DDX24: variants seen among roughly 807,000 people sequenced by gnomAD.
DDX24 encodes the protein DEAD-box helicase 24.
DDX24 carries 24 observed loss-of-function variants against 68.9 expected under a neutral mutation model. The ratio of observed to expected loss-of-function variants is 0.35; its 90% CI spans 0.25 to 0.49. The LOEUF is 0.49. Among genes scored for constraint, DDX24 ranks in the 20% least tolerant of loss-of-function variants. DDX24 has a pLI of 0.99. For missense variants in DDX24, 989 were observed against 1,039.0 expected, an observed-to-expected ratio of 0.95 and a Z score of 0.66; for synonymous variants, 395 against 385.2, an observed-to-expected ratio of 1.03 and a Z score of -0.30.
Position 94,062,347 on chromosome 14 carries a change from G to A in DDX24, c.993C>T (p.Leu331=). Residue 331 remains leucine (L), a synonymous_variant, in exon 3 of 9, where the codon CTC becomes CTT. Transcript: ENST00000621632. The part of the protein sequence containing the change: ...TGGTVSDQAL[L]FGDDDAGEGP... The stretch of plus-strand genomic sequence containing the variant: ...CTTCACCAGCATCATCGTCACCAAA[G>A]AGCAACGCCTGGTCTGAGACAGTGC... 6.2e-7 allele frequency: 1 copy of A among 1,614,226 alleles called. No individual in the cohort carries two copies. Among genetic ancestry groups the A allele is most frequent in the South Asian group, 1.1e-5 (1 of 91,080 alleles).
intron 6 of DDX24, chr14:94,056,191 G>C (rs943265222): frequency 6.6e-6 from 1 of 152,208 alleles, no homozygotes; most frequent in Admixed American, 6.5e-5. Flanking sequence ...CTGTGATACA[G>C]TGAAATATGT....
At position 94,079,738 on chromosome 14, in the gene DDX24, T is replaced by C; in HGVS notation, c.5A>G (p.Lys2Arg). 6.2e-7 allele frequency: 1 copy of C among 1,613,348 alleles called. No homozygotes were observed. Among genetic ancestry groups the C allele is most frequent in the Non-Finnish European group, 8.5e-7 (1 of 1,179,638 alleles). ...TGGCCTTGATTTTGTGTCCTTCAAC[T>C]TCATGGTTGCTGAAAAGGAGATACA... M[K>R]LKDTKSRPKQ... Residue 2 changes from lysine (K) to arginine (R), a missense_variant, in exon 2 of 9, where the codon AAG (lysine) becomes AGG (arginine). Transcript: ENST00000621632.
At chr14:94,063,129 A>T (rs144564293) in intron 2 of DDX24, among the ~76,000 whole-genome samples, 212 of 152,368 alleles carry the variant, frequency 1.4e-3, no homozygotes, top group Middle Eastern at 3.4e-3. Context: ...TCAGGCTGAG[A>T]ATTTAAAGAA....
At chr14:94,073,270 A>G (rs2141434558) in intron 2 of DDX24, among the ~76,000 whole-genome samples, 1 of 152,106 alleles carries the variant, frequency 6.6e-6, no homozygotes, top group South Asian at 2.1e-4. Flanking sequence ...TATTTTTAGT[A>G]GAGACAGTTT....
chr14:94,079,823 G>A (rs1886025657), intron 1 of DDX24, 76 bp from the exon 2 acceptor site: 1 of 1,341,474 alleles, frequency 7.5e-7, no homozygotes, highest in South Asian at 1.3e-5. Context: ...TATTTTCTAA[G>A]CAACTAGGCC....
chr14:94,065,941 A>C (rs1407710492), intron 2 of DDX24, among the ~76,000 whole-genome samples: 6 of 152,196 alleles, frequency 3.9e-5, no homozygotes, highest in Non-Finnish European at 5.9e-5. Flanking sequence ...AACTCCACAG[A>C]AAGAAGGCAT....
At chr14:94,077,603 T>C (rs748129151) in intron 2 of DDX24, among the ~76,000 whole-genome samples, 5 of 152,248 alleles carry the variant, frequency 3.3e-5, no homozygotes, top group Admixed American at 6.5e-5. Context: ...AGGGTGGTTG[T>C]GACAACCGAT....
chr14:94,053,280 T>C (rs1885423844), intron 7 of DDX24, 153 bp from the exon 8 acceptor site: 7 of 814,954 alleles, frequency 8.6e-6, no homozygotes, highest in Admixed American at 3.2e-5. Flanking sequence ...CACTGCAGCC[T>C]CAACCTCCTT....
chr14:94,079,936 G>A (rs950261535), intron 1 of DDX24, among the ~76,000 whole-genome samples, 189 bp from the exon 2 acceptor site: 6 of 151,954 alleles, frequency 3.9e-5, no homozygotes, highest in African/African-American at 1.5e-4. Context: ...GGAACACAGG[G>A]TACACATGTG....
chr14:94,053,162 T>TA (rs1885421997), intron 7 of DDX24, 35 bp from the exon 8 acceptor site: 1 of 1,613,376 alleles, frequency 6.2e-7, no homozygotes, highest in Admixed American at 1.7e-5. Flanking sequence ...TCATCTGAAA[T>TA]AGAGTTCAGG....
chr14:94,065,676 T>G (rs1312280088), intron 2 of DDX24, among the ~76,000 whole-genome samples: 1 of 152,080 alleles, frequency 6.6e-6, no homozygotes, highest in Non-Finnish European at 1.5e-5. Flanking sequence ...CCAAATACCG[T>G]GAGTGCCCCA....
Position 94,060,269 on chromosome 14 carries a change from T to C in DDX24, c.1742A>G (p.Tyr581Cys). Residue 581 changes from tyrosine (Y) to cysteine (C), a missense_variant, in exon 5 of 9, where the codon TAC (tyrosine) becomes TGC (cysteine). By Grantham distance (194) the Tyr-to-Cys change is radical. Coordinates refer to ENST00000621632, the MANE Select transcript of DDX24 (RefSeq NM_020414.4). Reference sequence around the variant, plus strand: ...GCGGCCTGGATACTGCATCAGGAAGTAGTACAAGTAGAAGTCTTTCTCATC... The same window carrying C: ...GCGGCCTGGATACTGCATCAGGAAGCAGTACAAGTAGAAGTCTTTCTCATC... ...ETDEKDFYLYYFLMQYPGRSL... is the reference protein window; with the variant it reads ...ETDEKDFYLYCFLMQYPGRSL... 1.2e-6 allele frequency: 2 copies of C among 1,614,148 alleles called. No homozygotes were observed. The highest frequency in any genetic ancestry group is 1.1e-5 in the South Asian group (1 of 91,076).
In DDX24 at chr14:94,049,205, A is replaced by C. The variant is rs1885340991; in HGVS notation, c.*1986T>G. 1 of 152,274 alleles carries C rather than the reference A, an allele frequency of 6.6e-6. No individual in the cohort carries two copies. Among genetic ancestry groups the C allele is most frequent in the African/African-American group, 2.4e-5 (1 of 41,466 alleles). 9.4% of individuals were successfully genotyped at this position (152,274 alleles called of 1,614,324 possible). A position where few individuals can be genotyped will look rare whatever the true frequency, so the allele number is the denominator to read the frequency against. ...TGCTGTTAGATGGCTAGGGCAGGAC[A>C]CGGACAGTCATCAGGGGATCTATGT... On this transcript the variant is annotated 3_prime_UTR_variant, in exon 9 of 9. Transcript: ENST00000621632.
At chr14:94,079,854 A>G (rs984499882) in intron 1 of DDX24, 107 bp from the exon 2 acceptor site, 14 of 998,272 alleles carry the variant, frequency 1.4e-5, no homozygotes, top group Non-Finnish European at 1.9e-5. Context: ...CTGAGGATAC[A>G]AAGATGGCTA....
intron 2 of DDX24, among the ~76,000 whole-genome samples, chr14:94,074,882 G>A (rs1006268521): frequency 7.9e-5 from 12 of 151,748 alleles, no homozygotes; most frequent in Non-Finnish European, 1.2e-4. Flanking sequence ...ACAAACAATC[G>A]GAAATAAAAA....
chr14:94,071,028 A>C (rs558700390), intron 2 of DDX24, among the ~76,000 whole-genome samples: 172 of 152,360 alleles, frequency 1.1e-3, no homozygotes, highest in African/African-American at 4.1e-3. Context: ...AATTAAACTA[A>C]AGAGCTTCTG....
intron 2 of DDX24, among the ~76,000 whole-genome samples, chr14:94,074,957 GAT>G (rs560766912): frequency 7.7e-4 from 117 of 152,228 alleles, no homozygotes; most frequent in Non-Finnish European, 1.4e-3. Context: ...TCTAACATAA[GAT>G]GTGAAAAATC....
chr14:94,076,029 G>C (rs1345004818), intron 2 of DDX24, among the ~76,000 whole-genome samples: 1 of 152,142 alleles, frequency 6.6e-6, no homozygotes, highest in Non-Finnish European at 1.5e-5. Flanking sequence ...TAGTGACAAC[G>C]TAAAATGGTA....
chr14:94,067,978 G>A (rs1018464976), intron 2 of DDX24, among the ~76,000 whole-genome samples: 5 of 152,122 alleles, frequency 3.3e-5, no homozygotes, highest in African/African-American at 1.2e-4. Context: ...AGGCAACAAA[G>A]AGCATGAGGA....
Sources: allele counts gnomAD v4.1 joint callset (sites outside exome capture counted in the v4.1 genomes callset), GRCh38; gene constraint gnomAD v4.1.1; transcripts MANE v1.5; gene names NCBI Gene and HGNC (gene_info 2026-07-23, HGNC 2026-07-21).